Variants in SCAPER observed in about 807,000 individuals in gnomAD.
SCAPER encodes S phase cyclin A-associated protein in the endoplasmic reticulum.
SCAPER carries 98 observed loss-of-function variants against 182.2 expected under a neutral mutation model. The ratio of observed to expected loss-of-function variants is 0.54; its 90% CI spans 0.46 to 0.64. The LOEUF (loss-of-function observed/expected upper bound fraction) is 0.64, where lower values mean the gene tolerates loss of function less well. SCAPER is among the 30% of genes least tolerant of loss of function. SCAPER has a pLI of 0.00. For synonymous variants in SCAPER, 605 were observed against 564.6 expected, an observed-to-expected ratio of 1.07 and a Z score of -1.01; for missense variants, 1,432 against 1,690.0, an observed-to-expected ratio of 0.85 and a Z score of 2.68.
intron 23 of SCAPER, among the ~76,000 whole-genome samples, chr15:76,564,914 T>C (rs1306223472): frequency 6.6e-6 from 1 of 152,078 alleles, no homozygotes; most frequent in South Asian, 2.1e-4. Context: ...AAACAAGCAA[T>C]GGGGAAAGGA....
At chr15:76,849,843 G>C (rs1435257885) in intron 4 of SCAPER, among the ~76,000 whole-genome samples, 1 of 152,178 alleles carries the variant, frequency 6.6e-6, no homozygotes, top group East Asian at 1.9e-4. Flanking sequence ...CATATGGCTG[G>C]AGAGCCCTCA....
chr15:76,631,100 A>C (rs1390791783), intron 21 of SCAPER, among the ~76,000 whole-genome samples: 3 of 152,126 alleles, frequency 2.0e-5, no homozygotes, highest in Non-Finnish European at 2.9e-5. Context: ...TTTGTCAGAA[A>C]CTAAGATTGC....
chr15:76,709,802 A>G (rs1365041144), intron 17 of SCAPER, among the ~76,000 whole-genome samples: 2 of 152,222 alleles, frequency 1.3e-5, no homozygotes. Flanking sequence ...CCACCAACAA[A>G]TAAAAACTAT....
rs185021026 is a variant in SCAPER at position 76,348,388 on chromosome 15, A to T, written c.*245T>A. 1 of 287,762 alleles carries T rather than the reference A, an allele frequency of 3.5e-6. No individual in the cohort carries two copies. Among genetic ancestry groups the T allele is most frequent in the Non-Finnish European group, 6.5e-6 (1 of 153,674 alleles). 17.8% of individuals were successfully genotyped at this position (287,762 alleles called of 1,614,324 possible). A position where few individuals can be genotyped will look rare whatever the true frequency, so the allele number is the denominator to read the frequency against. On this transcript the variant is annotated 3_prime_UTR_variant, in exon 32 of 32. Coordinates refer to ENST00000563290, the MANE Select transcript of SCAPER (RefSeq NM_020843.4). ...TCACAAATGCAAAGTATATATTATC[A>T]TAAGATGGAAATTACCAAACTCCAA...
chr15:76,608,124 T>G (rs983170579), intron 22 of SCAPER, among the ~76,000 whole-genome samples: 1 of 152,022 alleles, frequency 6.6e-6, no homozygotes, highest in African/African-American at 2.4e-5. Context: ...TTTTCTGCTG[T>G]TTTTTTTCCC....
intron 29 of SCAPER, among the ~76,000 whole-genome samples, chr15:76,374,597 T>G (rs952038124): frequency 4.0e-5 from 6 of 150,834 alleles, no homozygotes; most frequent in Non-Finnish European, 7.4e-5. Flanking sequence ...TTCTCCTGCC[T>G]CAGCCTCCCG....
chr15:76,608,915 C>T (rs929986166), intron 22 of SCAPER, among the ~76,000 whole-genome samples: 1 of 152,150 alleles, frequency 6.6e-6, no homozygotes, highest in Non-Finnish European at 1.5e-5. Flanking sequence ...TTCCAGGTGC[C>T]GTCTGTCACC....
chr15:76,560,287 C>T (rs1051611506), intron 23 of SCAPER, among the ~76,000 whole-genome samples: 4 of 152,132 alleles, frequency 2.6e-5, no homozygotes, highest in Non-Finnish European at 5.9e-5. Flanking sequence ...CTGAAACTTA[C>T]AAAGGTTAAT....
Position 76,862,446 on chromosome 15 carries a change from T to G in SCAPER, c.94A>C (p.Ser32Arg), listed in dbSNP as rs751206476. The change falls in exon 3 of 32, where the codon AGT (serine) becomes CGT (arginine). Residue 32 changes from serine (S) to arginine (R), a missense_variant. Ser to Arg is a moderately radical substitution (Grantham distance 110, BLOSUM62 -1). Around this residue, in one of 5 missense-constraint regions of SCAPER, gnomAD observed 480 missense variants for 510.2 expected, o/e 0.94. Coordinates refer to ENST00000563290, the MANE Select transcript of SCAPER (RefSeq NM_020843.4). ...TCATCTTTGCTTTCTAGTGGAACAC[T>G]CCAAGCTATTAGGTTTCTTGCTGTA... Reference protein sequence around the residue: ...GRTARNLIAWSVPLESKDDDG... With the variant: ...GRTARNLIAWRVPLESKDDDG... 1 of 1,611,954 alleles carries G rather than the reference T, an allele frequency of 6.2e-7. No homozygotes were observed. Among genetic ancestry groups the G allele is most frequent in the Admixed American group, 1.7e-5 (1 of 59,922 alleles).
intron 26 of SCAPER, among the ~76,000 whole-genome samples, chr15:76,425,345 T>G (rs1196732076): frequency 6.6e-6 from 1 of 152,200 alleles, no homozygotes; most frequent in African/African-American, 2.4e-5. Context: ...AAACTTCTCT[T>G]CTCGCTTCAT....
At chr15:76,607,485 A>G (rs558237480) in intron 22 of SCAPER, among the ~76,000 whole-genome samples, 117 of 152,094 alleles carry the variant, frequency 7.7e-4, no homozygotes, top group African/African-American at 2.7e-3. Context: ...GAATCTGACA[A>G]TTTTGTGTCT....
At chr15:76,841,700 C>T (rs2069500594) in intron 5 of SCAPER, 34 bp downstream of exon 5, 2 of 1,597,860 alleles carry the variant, frequency 1.3e-6, no homozygotes, top group Non-Finnish European at 8.5e-7. Context: ...AATCTGAGTT[C>T]AAATGGATTA....
At chr15:76,524,843 A>C (rs978973839) in intron 23 of SCAPER, among the ~76,000 whole-genome samples, 2 of 152,016 alleles carry the variant, frequency 1.3e-5, no homozygotes, top group African/African-American at 2.4e-5. Flanking sequence ...GGGAAGATCT[A>C]AGTGACCTAA....
intron 21 of SCAPER, among the ~76,000 whole-genome samples, chr15:76,652,273 A>AAAAATATATAT (rs1207156993): frequency 7.8e-5 from 1 of 12,868 alleles, no homozygotes; most frequent in Non-Finnish European, 1.3e-4. Context: ...AAAAAAAAAA[A>AAAAATATATAT]ATATATATAT....
chr15:76,759,459 C>A (rs981551252), intron 14 of SCAPER, among the ~76,000 whole-genome samples: 2 of 152,108 alleles, frequency 1.3e-5, no homozygotes, highest in Non-Finnish European at 2.9e-5. Context: ...GCAATAAGAA[C>A]CCACTTCCAC....
chr15:76,397,981 G>A (rs889338803), intron 27 of SCAPER, among the ~76,000 whole-genome samples: 4 of 152,016 alleles, frequency 2.6e-5, no homozygotes, highest in Non-Finnish European at 4.4e-5. Flanking sequence ...TTATATTTAC[G>A]ATCTCATTTG....
intron 23 of SCAPER, among the ~76,000 whole-genome samples, chr15:76,559,198 C>A (rs1778492225): frequency 1.1e-5 from 1 of 90,600 alleles, no homozygotes; most frequent in African/African-American, 3.7e-5. Context: ...CCACACCCAG[C>A]TAATTTTTTT....
chr15:76,766,750 T>C (rs968318844), intron 11 of SCAPER, among the ~76,000 whole-genome samples, 168 bp downstream of exon 11: 12 of 152,364 alleles, frequency 7.9e-5, no homozygotes, highest in African/African-American at 2.6e-4. Context: ...CTATTGTTTA[T>C]TGTGTAAGTC....
Position 76,752,784 on chromosome 15 carries a change from G to C in SCAPER, c.1866+1024C>G, listed in dbSNP as rs148445902. 5.5e-3 allele frequency among the ~76,000 whole-genome samples: 832 copies of C among 151,728 alleles called. 5 individuals carry two copies. Among genetic ancestry groups the C allele is most frequent in the South Asian group, 0.023 (113 of 4,814 alleles). ...TTTCAGTTTTACAAGATGAAAAAGA[G>C]TAATGAAGATACATGGTGGTGATGA... On this transcript the variant is annotated intron_variant, in intron 15 of 31. Transcript: ENST00000563290.
Sources: allele counts gnomAD v4.1 joint callset (sites outside exome capture counted in the v4.1 genomes callset), GRCh38; gene constraint gnomAD v4.1.1; regional missense constraint gnomAD v4.1.1; transcripts MANE v1.5; gene names NCBI Gene and HGNC (gene_info 2026-07-23, HGNC 2026-07-21).